Variants in TEC observed in about 807,000 individuals in gnomAD.
The protein encoded by TEC is tec protein tyrosine kinase.
Under a neutral mutation model 93.0 loss-of-function variants are expected in TEC, and 72 were observed. The ratio of observed to expected loss-of-function variants is 0.77; its 90% CI spans 0.64 to 0.94. TEC has a LOEUF of 0.94. TEC is among the 40% of genes least tolerant of loss of function. The pLI is 0.00. For missense variants in TEC, 630 were observed against 757.9 expected, an observed-to-expected ratio of 0.83 and a Z score of 1.98; for synonymous variants, 249 against 247.7, an observed-to-expected ratio of 1.01 and a Z score of -0.05.
intron 2 of TEC, among the ~76,000 whole-genome samples, chr4:48,191,968 G>A (rs1722108136): frequency 6.6e-6 from 1 of 152,052 alleles, no homozygotes; most frequent in Non-Finnish European, 1.5e-5. Context: ...CAACCACTCA[G>A]GACAATATTT....
intron 2 of TEC, among the ~76,000 whole-genome samples, chr4:48,214,158 T>TAA (rs1308870996): frequency 6.6e-6 from 1 of 152,212 alleles, no homozygotes; most frequent in Non-Finnish European, 1.5e-5. Context: ...GTGATATGTT[T>TAA]AAATTACAAA....
At chr4:48,154,862 T>A (rs759324547) in intron 9 of TEC, among the ~76,000 whole-genome samples, 8 of 152,122 alleles carry the variant, frequency 5.3e-5, no homozygotes, top group African/African-American at 9.7e-5. Flanking sequence ...GTCCCCAACA[T>A]TAAAGAGCCC....
At chr4:48,231,955 G>A (rs1723658796) in intron 1 of TEC, among the ~76,000 whole-genome samples, 1 of 152,098 alleles carries the variant, frequency 6.6e-6, no homozygotes, top group South Asian at 2.1e-4. Context: ...AACATCAGGG[G>A]CAGAAAAAAC....
In TEC at chr4:48,170,252, C is replaced by T. The variant is rs1033486920; in HGVS notation, c.450G>A (p.Glu150=). Residue 150 remains glutamate (E), a synonymous_variant, in exon 5 of 18, where the codon GAG becomes GAA. Coordinates refer to ENST00000381501, the MANE Select transcript of TEC (RefSeq NM_003215.3). ...TGGAATAAAATGAATACTTACTGCT[C>T]TCAAAAAGATTGTATTTTTCACATC... ...APGCEKYNLF[E]SSIRKALPPA... 2.5e-6 allele frequency: 4 copies of T among 1,591,038 alleles called. No homozygotes were observed. In the African/African-American group the frequency reaches 5.4e-5, roughly 21 times the overall value.
At chr4:48,228,180 T>C (rs1419224946) in intron 2 of TEC, among the ~76,000 whole-genome samples, 1 of 152,214 alleles carries the variant, frequency 6.6e-6, no homozygotes, top group Admixed American at 6.5e-5. Context: ...AAGACTTTGA[T>C]ACATAATAAG....
intron 2 of TEC, among the ~76,000 whole-genome samples, chr4:48,197,570 T>A (rs1380296223): frequency 6.6e-6 from 1 of 152,116 alleles, no homozygotes; most frequent in Non-Finnish European, 1.5e-5. Context: ...AAAGGTGCCC[T>A]CCTTATACCA....
intron 2 of TEC, among the ~76,000 whole-genome samples, chr4:48,202,427 G>A (rs1207333468): frequency 1.3e-5 from 2 of 151,950 alleles, no homozygotes; most frequent in Admixed American, 6.5e-5. Flanking sequence ...TTAGCTGGGC[G>A]TGGTGATGCA....
chr4:48,141,443 A>G lies in TEC; in HGVS notation c.1471-24T>C, dbSNP rs1250560773. On this transcript the variant is annotated intron_variant, in intron 14 of 17. Coordinates refer to ENST00000381501, the MANE Select transcript of TEC (RefSeq NM_003215.3). ...GCCTGGAAAACAACATTATGATGGTATATTAGTTTAAAAATTCTATCATTT... is the reference window on the plus strand; with the variant it reads ...GCCTGGAAAACAACATTATGATGGTGTATTAGTTTAAAAATTCTATCATTT... 1.9e-6 allele frequency: 3 copies of G among 1,606,322 alleles called. No individual in the cohort carries two copies. The Admixed American group carries it at 5.0e-5, about 27-fold the overall frequency.
At chr4:48,142,077 C>T (rs16861044) in intron 14 of TEC, among the ~76,000 whole-genome samples, 5,748 of 152,278 alleles carry the variant, frequency 0.038, 307 homozygotes, top group East Asian at 0.22. Context: ...GTCCTTAATC[C>T]GGTTCTCACT....
At chr4:48,216,524 G>T (rs555604696) in intron 2 of TEC, among the ~76,000 whole-genome samples, 4 of 151,720 alleles carry the variant, frequency 2.6e-5, no homozygotes, top group Non-Finnish European at 5.9e-5. Flanking sequence ...AAAAATGCAA[G>T]AAGTTACATA....
Position 48,228,580 on chromosome 4 carries a change from A to G in TEC, c.35T>C (p.Ile12Thr). 1 of 1,613,750 alleles carries G rather than the reference A, an allele frequency of 6.2e-7. No individual in the cohort carries two copies. Among genetic ancestry groups the G allele is most frequent in the Non-Finnish European group, 8.5e-7 (1 of 1,179,930 alleles). The change falls in exon 2 of 18, where the codon ATT (isoleucine) becomes ACT (threonine). Residue 12 changes from isoleucine (I) to threonine (T), a missense_variant. Ile to Thr is a moderately conservative substitution (Grantham distance 89). Coordinates refer to ENST00000381501, the MANE Select transcript of TEC (RefSeq NM_003215.3). ...NFNTILEEIL[I>T]KRSQQKKKTS... ...CTTCTTTTTCTGCTGTGACCTTTTAATAAGAATCTCCTCCAAAATAGTGTT... is the reference window on the plus strand; with the variant it reads ...CTTCTTTTTCTGCTGTGACCTTTTAGTAAGAATCTCCTCCAAAATAGTGTT...
chr4:48,202,374 T>C (rs1218400111), intron 2 of TEC, among the ~76,000 whole-genome samples: 1 of 152,060 alleles, frequency 6.6e-6, no homozygotes, highest in African/African-American at 2.4e-5. Context: ...GAGACCAGCC[T>C]AGCCAACAAG....
At chr4:48,177,776 G>T (rs754350313) in intron 2 of TEC, among the ~76,000 whole-genome samples, 1 of 152,132 alleles carries the variant, frequency 6.6e-6, no homozygotes, top group Non-Finnish European at 1.5e-5. Context: ...GATCATGGCC[G>T]CAGTTTCCCA....
intron 1 of TEC, among the ~76,000 whole-genome samples, chr4:48,262,707 A>G (rs1181235314): frequency 2.0e-5 from 3 of 152,328 alleles, no homozygotes; most frequent in African/African-American, 7.2e-5. Flanking sequence ...TTGTGGAAGC[A>G]CAGTGGGAGG....
chr4:48,139,076 T>TACTTGCTCTTTCATTTTTTTCCC (rs1719555271), intron 15 of TEC, 54 bp from the exon 16 acceptor site: 1 of 1,452,052 alleles, frequency 6.9e-7, no homozygotes, highest in Admixed American at 1.8e-5. Flanking sequence ...CTGTTTTTTC[T>TACTTGCTCTTTCATTTTTTTCCC]ACTTGCTCTT....
At position 48,137,251 on chromosome 4, in the gene TEC, C is replaced by T; in HGVS notation, c.*165G>A. The T allele has an allele frequency of 1.7e-6, 1 of 602,880 alleles. No homozygotes were observed. The highest frequency in any genetic ancestry group is 2.9e-6 in the Non-Finnish European group (1 of 339,296). 37.3% of individuals were successfully genotyped at this position (602,880 alleles called of 1,614,324 possible). A position where few individuals can be genotyped will look rare whatever the true frequency, so the allele number is the denominator to read the frequency against. ...ATTTCCACACTCTGGGAGATTCTGT[C>T]TAGAAGCAAGTCTAGACAGAGGCTG... On this transcript the variant is annotated 3_prime_UTR_variant, in exon 18 of 18. Transcript: ENST00000381501.
At chr4:48,234,559 T>A (rs1257934008) in intron 1 of TEC, among the ~76,000 whole-genome samples, 3 of 152,174 alleles carry the variant, frequency 2.0e-5, no homozygotes, top group African/African-American at 7.2e-5. Flanking sequence ...AATAAGTTAG[T>A]AAAATTTAGC....
At chr4:48,168,510 C>T (rs1291304084) in intron 6 of TEC, 76 bp downstream of exon 6, 1 of 1,507,846 alleles carries the variant, frequency 6.6e-7, no homozygotes, top group East Asian at 2.3e-5. Flanking sequence ...CTCAGTAAGT[C>T]ACAAACACTA....
chr4:48,240,953 C>T (rs1356889454), intron 1 of TEC, among the ~76,000 whole-genome samples: 2 of 150,526 alleles, frequency 1.3e-5, no homozygotes, highest in African/African-American at 4.9e-5. Flanking sequence ...TGATCCCTAA[C>T]AGGAAAAAAA....
Sources: gnomAD v4.1 joint callset for allele counts (sites outside exome capture counted in the v4.1 genomes callset) on GRCh38, gnomAD v4.1.1 for gene constraint, MANE v1.5 for transcripts, NCBI Gene and HGNC (gene_info 2026-07-23, HGNC 2026-07-21) for gene names.